The following CAPN5 variants were observed in gnomAD, a reference collection of about 807,000 sequenced individuals.
CAPN5 encodes the protein calpain 5, also known as calpain-5.
A neutral mutation model predicts 73.0 loss-of-function variants in CAPN5; 54 were observed. That is an observed-to-expected ratio of 0.74 (90% CI 0.59 to 0.93). CAPN5 has a LOEUF of 0.93. CAPN5 is among the 40% of genes least tolerant of loss of function. The pLI is 0.00. For missense variants in CAPN5, 785 were observed against 882.9 expected (o/e 0.89, Z 1.41); for synonymous variants, 335 against 356.9 (o/e 0.94, Z 0.69).
At chr11:77,083,214 G>A (rs528111711) in intron 1 of CAPN5, among the ~76,000 whole-genome samples, 246 of 152,342 alleles carry the variant, frequency 1.6e-3, no homozygotes, top group African/African-American at 5.7e-3. Flanking sequence ...TGGCTTGGGT[G>A]CAGAGCAGGG....
In CAPN5 at chr11:77,114,406, G is replaced by A. The variant is rs200993761; in HGVS notation, c.671G>A (p.Arg224Gln). The A allele has an allele frequency of 2.3e-5, 37 of 1,614,172 alleles. No individual in the cohort carries two copies. The Middle Eastern group carries it at 5.0e-4, about 22-fold the overall frequency. The stretch of plus-strand genomic sequence containing the variant: ...GAGCGCATGTTAAAGGTGCACAGCC[G>A]GGGCGGCCTCATCAGTGCCTCCATC... ...LFERMLKVHS[R>Q]GGLISASIKA... is the part of the protein sequence containing the mutation. The change falls in exon 5 of 13, where the codon CGG (arginine) becomes CAG (glutamine). Residue 224 changes from arginine (R) to glutamine (Q), a missense_variant. Transcript: ENST00000648180.
intron 1 of CAPN5, among the ~76,000 whole-genome samples, chr11:77,081,650 G>A (rs1461247205): frequency 1.3e-5 from 2 of 152,298 alleles, no homozygotes; most frequent in Admixed American, 6.5e-5. Context: ...AGACCAGTGA[G>A]GTAATGCGGC....
chr11:77,104,113 A>G (rs1206157801), intron 3 of CAPN5, among the ~76,000 whole-genome samples: 3 of 152,230 alleles, frequency 2.0e-5, no homozygotes, highest in Admixed American at 2.0e-4. Context: ...TTATCTGTTC[A>G]TCATTGCTGC....
intron 1 of CAPN5, among the ~76,000 whole-genome samples, chr11:77,080,864 G>T (rs970298264): frequency 6.6e-6 from 1 of 152,222 alleles, no homozygotes; most frequent in East Asian, 1.9e-4. Flanking sequence ...GCAGCTAAAT[G>T]ATGCAGTTGG....
chr11:77,120,943 G>A, intron 10 of CAPN5, 34 bp downstream of exon 10: 3 of 1,589,748 alleles, frequency 1.9e-6, no homozygotes, highest in Non-Finnish European at 2.6e-6. Flanking sequence ...CAGTGTGGGT[G>A]GGAGTGACAT....
intron 1 of CAPN5, among the ~76,000 whole-genome samples, chr11:77,079,301 A>G (rs1950004757): frequency 6.6e-6 from 1 of 152,118 alleles, no homozygotes; most frequent in South Asian, 2.1e-4. Flanking sequence ...TTCATAAGGC[A>G]TATTGGCCTA....
chr11:77,121,022 G>T, intron 10 of CAPN5, 113 bp downstream of exon 10: 1 of 948,108 alleles, frequency 1.1e-6, no homozygotes. Context: ...CAGCCACTCT[G>T]GGCTGATACC....
At chr11:77,100,589 A>G (rs555974500) in intron 3 of CAPN5, among the ~76,000 whole-genome samples, 1 of 152,144 alleles carries the variant, frequency 6.6e-6, no homozygotes, top group East Asian at 1.9e-4. Flanking sequence ...CAGGATCCAG[A>G]AATAGGGGAT....
rs143815894 is a variant in CAPN5 at position 77,123,244 on chromosome 11, A to G, written c.1741-444A>G. ...TCTCTCAGTGAGACAGCATCTGTAAACAAACATTTGGGTCCCCCTGGGGGA... is the reference window on the plus strand; with the variant it reads ...TCTCTCAGTGAGACAGCATCTGTAAGCAAACATTTGGGTCCCCCTGGGGGA... On this transcript the variant is annotated intron_variant, in intron 12 of 12. Coordinates refer to ENST00000648180, the MANE Select transcript of CAPN5 (RefSeq NM_004055.5). Among the ~76,000 whole-genome samples, 264 of 152,298 alleles carry G rather than the reference A, an allele frequency of 1.7e-3. 1 individual carries two copies. Among genetic ancestry groups the G allele is most frequent in the African/African-American group, 5.4e-3 (223 of 41,562 alleles).
intron 5 of CAPN5, 97 bp from the exon 6 acceptor site, chr11:77,115,298 G>C (rs1950454691): frequency 2.2e-6 from 2 of 924,798 alleles, no homozygotes; most frequent in African/African-American, 1.6e-5. Context: ...ATCCCATCCT[G>C]TAGGTCCCGT....
chr11:77,097,472 T>TA (rs1565266469), intron 3 of CAPN5, among the ~76,000 whole-genome samples: 5 of 138,198 alleles, frequency 3.6e-5, no homozygotes, highest in African/African-American at 1.5e-4. Context: ...TAGTTTTTTT[T>TA]TTTTTTTTTT....
intron 1 of CAPN5, among the ~76,000 whole-genome samples, chr11:77,078,974 G>A (rs1950001584): frequency 6.6e-6 from 1 of 151,924 alleles, no homozygotes; most frequent in Non-Finnish European, 1.5e-5. Flanking sequence ...GCTGAATCTT[G>A]TCAAATGTGT....
At chr11:77,090,086 T>G (rs1413559633) in intron 2 of CAPN5, among the ~76,000 whole-genome samples, 1 of 152,182 alleles carries the variant, frequency 6.6e-6, no homozygotes, top group African/African-American at 2.4e-5. Context: ...GCCTGCCACA[T>G]AGCAGGTGCC....
At chr11:77,122,531 G>GCCCC in intron 11 of CAPN5, 45 bp from the exon 12 acceptor site, 4 of 1,228,394 alleles carry the variant, frequency 3.3e-6, no homozygotes, top group Non-Finnish European at 4.6e-6. Flanking sequence ...CCCTGCCACA[G>GCCCC]CCCCCACCCC....
intron 1 of CAPN5, among the ~76,000 whole-genome samples, chr11:77,084,618 C>T (rs1017112295): frequency 6.6e-6 from 1 of 152,082 alleles, no homozygotes; most frequent in South Asian, 2.1e-4. Flanking sequence ...CTCTGTGTGG[C>T]CTGTGGGCCT....
At chr11:77,116,069 G>A (rs985530689) in intron 6 of CAPN5, among the ~76,000 whole-genome samples, 157 bp from the exon 7 acceptor site, 11 of 152,120 alleles carry the variant, frequency 7.2e-5, no homozygotes, top group Non-Finnish European at 1.5e-4. Context: ...GCTTCCTGGA[G>A]AGGGGCTGGG....
chr11:77,115,719 A>T lies in CAPN5; in HGVS notation c.893+131A>T, dbSNP rs897347995. On this transcript the variant is annotated intron_variant, in intron 6 of 12. Transcript: ENST00000648180. ...GGGGAGGATGACACTAGGAACGAAG[A>T]AGGGAGAATTACTTTGCAGTGGTTG... 6 of 698,004 alleles carry T rather than the reference A, an allele frequency of 8.6e-6. No homozygotes were observed. The Admixed American group carries it at 1.7e-4, about 19-fold the overall frequency. 43.2% of individuals were successfully genotyped at this position (698,004 alleles called of 1,614,324 possible). A position where few individuals can be genotyped will look rare whatever the true frequency, so the allele number is the denominator to read the frequency against.
intron 1 of CAPN5, among the ~76,000 whole-genome samples, chr11:77,078,273 T>TGCGTG (rs1949993855): frequency 6.6e-6 from 1 of 152,232 alleles, no homozygotes; most frequent in Non-Finnish European, 1.5e-5. Flanking sequence ...TTTATTCTTC[T>TGCGTG]GCGTGTGGAT....
rs1555032119 is a variant in CAPN5, at chr11:77,067,025, G to T, written c.-105G>T. 1 of 152,098 alleles carries T rather than the reference G, an allele frequency of 6.6e-6. No homozygotes were observed. The highest frequency in any genetic ancestry group is 1.9e-4 in the East Asian group (1 of 5,168). 9.4% of individuals were successfully genotyped at this position (152,098 alleles called of 1,614,324 possible). A position where few individuals can be genotyped will look rare whatever the true frequency, so the allele number is the denominator to read the frequency against. On this transcript the variant is annotated 5_prime_UTR_variant, in exon 1 of 13. Coordinates refer to ENST00000648180, the MANE Select transcript of CAPN5 (RefSeq NM_004055.5). Reference sequence around the variant, plus strand: ...GAGGCTGCTGCGCCGGGCGGCTGCAGCCTCCGCTCCAGCGCCCGCGCCGTG... The same window carrying T: ...GAGGCTGCTGCGCCGGGCGGCTGCATCCTCCGCTCCAGCGCCCGCGCCGTG...
Sources: allele counts gnomAD v4.1 joint callset (sites outside exome capture counted in the v4.1 genomes callset), GRCh38; gene constraint gnomAD v4.1.1; transcripts MANE v1.5; gene names NCBI Gene and HGNC (gene_info 2026-07-23, HGNC 2026-07-21).